NEK8: variants seen among roughly 807,000 people sequenced by gnomAD.
The protein encoded by NEK8 is serine/threonine-protein kinase Nek8.
A neutral mutation model predicts 77.2 loss-of-function variants in NEK8; 51 were observed. That is an observed-to-expected ratio of 0.66 (90% CI 0.53 to 0.83). The LOEUF (loss-of-function observed/expected upper bound fraction) is 0.83, where lower values mean the gene tolerates loss of function less well. NEK8 is among the 40% of genes least tolerant of loss of function. The pLI, the probability that NEK8 is intolerant of heterozygous loss-of-function variation, is 0.00. For synonymous variants in NEK8, 365 were observed against 363.2 expected, an observed-to-expected ratio of 1.00 and a Z score of -0.06; for missense variants, 787 against 909.2, an observed-to-expected ratio of 0.87 and a Z score of 1.73.
At position 28,741,808 on chromosome 17, in the gene NEK8, TC is replaced by T. The variant is rs1287873580; in HGVS notation, c.2051-150del. On this transcript the variant is annotated intron_variant, in intron 14 of 14. Transcript: ENST00000268766. This position sits in a 1 kb window ranked among gnomAD's most constrained non-coding sequence, Gnocchi z 4.5. ...CTCCCCAGGGCTCACATGCATTCTT[TC>T]TCCTACTGCTGAGTCCCGTTGATGC... 4.2e-6 allele frequency: 4 copies of T among 953,252 alleles called. No homozygotes were observed. Among genetic ancestry groups the T allele is most frequent in the Non-Finnish European group, 5.1e-6 (3 of 591,530 alleles). The allele number at this position is 953,252 out of a possible 1,614,324, so 59.0% of individuals were successfully genotyped here. A position where few individuals can be genotyped will look rare whatever the true frequency, so the allele number is the denominator to read the frequency against.
Position 28,741,354 on chromosome 17 carries a change from G to C in NEK8, c.1892-59G>C. On this transcript the variant is annotated intron_variant, in intron 13 of 14. Transcript: ENST00000268766. The surrounding 1 kb of genome is among the most constrained non-coding windows in gnomAD (Gnocchi z 4.5). ...GGGCCATCCTGGCAATGTGGGAGGG[G>C]AGATCCTGCTCGGGCTGTGCCCACT... 6.2e-7 allele frequency: 1 copy of C among 1,603,016 alleles called. No homozygotes were observed. The highest frequency in any genetic ancestry group is 2.2e-5 in the East Asian group (1 of 44,526).
Position 28,740,976 on chromosome 17 carries a change from G to T in NEK8, c.1723G>T (p.Ala575Ser), listed in dbSNP as rs745898957. ...AGACCTGGGCACTGCTCACTCAGCT[G>T]CTGTGACTGGTGAGGAGGACTTGGG... ...SIDLGTAHSAAVTASGDCYTF... is the reference protein window; with the variant it reads ...SIDLGTAHSASVTASGDCYTF... The change falls in exon 12 of 15, where the codon GCT becomes TCT. Residue 575 changes from alanine to serine, a missense_variant. Around this residue, in one of 2 missense-constraint regions of NEK8, gnomAD observed 516 missense variants for 544.0 expected, o/e 0.95. Transcript: ENST00000268766. The surrounding 1 kb of genome is among the most constrained non-coding windows in gnomAD (Gnocchi z 4.7). 12 of 1,614,154 alleles carry T rather than the reference G, an allele frequency of 7.4e-6. No individual in the cohort carries two copies. Among genetic ancestry groups the T allele is most frequent in the Non-Finnish European group, 1.0e-5 (12 of 1,180,044 alleles).
At chr17:28,739,029 G>T in intron 9 of NEK8, 55 bp from the exon 10 acceptor site, 2 of 1,346,580 alleles carry the variant, frequency 1.5e-6, no homozygotes, top group South Asian at 2.3e-5. Context: ...GGGTGTTGAA[G>T]CCAGATGGCT....
chr17:28,739,778 T>C (rs552168329), intron 10 of NEK8, among the ~76,000 whole-genome samples: 8 of 151,980 alleles, frequency 5.3e-5, no homozygotes, highest in African/African-American at 1.9e-4. Flanking sequence ...GAGGTCCTCT[T>C]TGGGTCAGGC....
At position 28,737,704 on chromosome 17, in the gene NEK8, CAG is replaced by C. The variant is rs750223792; in HGVS notation, c.858_859del (p.Gly287GlufsTer121). On this transcript the variant is annotated frameshift_variant, in exon 6 of 15. Coordinates refer to ENST00000268766, the MANE Select transcript of NEK8 (RefSeq NM_178170.3). LOFTEE classifies it high-confidence loss of function. The surrounding 1 kb of genome is among the most constrained non-coding windows in gnomAD (Gnocchi z 4.8). ...GAGAAGTCCGTGGCCCCCAGCAACA[CAG>C]GGAGCAGGACCACCAGTGTCCGCTG... 1 of 1,614,156 alleles carries C rather than the reference CAG, an allele frequency of 6.2e-7. No homozygotes were observed. Among genetic ancestry groups the C allele is most frequent in the Non-Finnish European group, 8.5e-7 (1 of 1,180,014 alleles).
chr17:28,731,864 C>T (rs2034310661), intron 1 of NEK8, among the ~76,000 whole-genome samples: 1 of 149,416 alleles, frequency 6.7e-6, no homozygotes, highest in South Asian at 2.1e-4. Flanking sequence ...CTCAGTCTCC[C>T]AAAGGCCTGG....
Position 28,741,315 on chromosome 17 carries a change from CTG to C in NEK8, c.1891+80_1891+81del. ...GGTTGCTATTCAGGGCCACTGGACTCTGGAGCCTCCCAGGGGCCATCCTGGCA... is the reference window on the plus strand; with the variant it reads ...GGTTGCTATTCAGGGCCACTGGACTCGAGCCTCCCAGGGGCCATCCTGGCA... On this transcript the variant is annotated intron_variant, in intron 13 of 14. Transcript: ENST00000268766. The surrounding 1 kb of genome is among the most constrained non-coding windows in gnomAD (Gnocchi z 4.5). 1.9e-6 allele frequency: 3 copies of C among 1,597,406 alleles called. No homozygotes were observed. The highest frequency in any genetic ancestry group is 2.6e-6 in the Non-Finnish European group (3 of 1,170,536).
intron 1 of NEK8, 99 bp downstream of exon 1, chr17:28,728,959 C>G (rs1248448987): frequency 3.5e-6 from 4 of 1,135,362 alleles, no homozygotes; most frequent in East Asian, 5.1e-5. Flanking sequence ...CGCCCCAAGG[C>G]GTGAGCGCCA....
chr17:28,740,979 G>A lies in NEK8; in HGVS notation c.1726G>A (p.Val576Met). ...CCTGGGCACTGCTCACTCAGCTGCT[G>A]TGACTGGTGAGGAGGACTTGGGCTC... is the stretch of plus-strand genomic sequence containing the variant. ...IDLGTAHSAAVTASGDCYTFG... is the reference protein window; with the variant it reads ...IDLGTAHSAAMTASGDCYTFG... The change falls in exon 12 of 15, where the codon GTG (valine) becomes ATG (methionine). Residue 576 changes from valine (V) to methionine (M), a missense_variant. Val to Met is a conservative substitution (Grantham distance 21). Transcript: ENST00000268766. This position sits in a 1 kb window ranked among gnomAD's most constrained non-coding sequence, Gnocchi z 4.7. 6.2e-7 allele frequency: 1 copy of A among 1,614,154 alleles called. No homozygotes were observed. The highest frequency in any genetic ancestry group is 8.5e-7 in the Non-Finnish European group (1 of 1,180,030).
In NEK8 at chr17:28,741,529, T is replaced by G. The variant is rs1567762491; in HGVS notation, c.2008T>G (p.Ser670Ala). 1.2e-6 allele frequency: 2 copies of G among 1,613,978 alleles called. No homozygotes were observed. The highest frequency in any genetic ancestry group is 1.3e-5 in the African/African-American group (1 of 74,906). ...LDETHPYTVT[S>A]VSCCHGNTLL... is the part of the protein sequence containing the mutation. ...TGAGACACACCCTTACACGGTGACT[T>G]CCGTGTCCTGTTGCCATGGAAACAC... The change falls in exon 14 of 15, where the codon TCC (serine) becomes GCC (alanine). Residue 670 changes from serine (S) to alanine (A), a missense_variant. This residue lies in a region of NEK8 where 516 missense variants were observed against 544.0 expected (regional missense o/e 0.95). Transcript: ENST00000268766. This position sits in a 1 kb window ranked among gnomAD's most constrained non-coding sequence, Gnocchi z 4.5.
At chr17:28,730,994 T>C (rs1025075432) in intron 1 of NEK8, among the ~76,000 whole-genome samples, 1 of 152,074 alleles carries the variant, frequency 6.6e-6, no homozygotes, top group Non-Finnish European at 1.5e-5. Context: ...GGCTCAGGCC[T>C]GTAATTCTAG....
At chr17:28,735,411 A>G (rs749458577) in intron 4 of NEK8, 40 bp downstream of exon 4, 12 of 1,602,000 alleles carry the variant, frequency 7.5e-6, no homozygotes, top group East Asian at 2.2e-5. Context: ...TGAGAAATCT[A>G]CTGCCTCGCC....
chr17:28,739,833 G>A (rs2034402271), intron 10 of NEK8, among the ~76,000 whole-genome samples: 1 of 152,200 alleles, frequency 6.6e-6, no homozygotes, highest in African/African-American at 2.4e-5. Context: ...ATGGGTTCTT[G>A]TCTTCCTGGA....
rs2034380592 is a variant in NEK8 at position 28,737,822 on chromosome 17, T to TC, written c.898dup (p.Arg300ProfsTer109). The TC allele has an allele frequency of 1.2e-6, 2 of 1,614,048 alleles. No individual in the cohort carries two copies. Among genetic ancestry groups the TC allele is most frequent in the Non-Finnish European group, 1.7e-6 (2 of 1,179,984 alleles). ...TCCCCATGCACTGTACCTGCAGGTA[T>TC]CCCCCGGGGACCTGTGAGGCCAGCC... On this transcript the variant is annotated frameshift_variant, in exon 7 of 15. Transcript: ENST00000268766. LOFTEE classifies it high-confidence loss of function. The surrounding 1 kb of genome is among the most constrained non-coding windows in gnomAD (Gnocchi z 4.8).
At chr17:28,731,018 C>T (rs1597803654) in intron 1 of NEK8, among the ~76,000 whole-genome samples, 2 of 152,246 alleles carry the variant, frequency 1.3e-5, no homozygotes, top group East Asian at 1.9e-4. Flanking sequence ...TTTGGGAGGC[C>T]GAGGTGGTTG....
At chr17:28,735,037 T>C in intron 3 of NEK8, 33 bp downstream of exon 3, 1 of 1,567,408 alleles carries the variant, frequency 6.4e-7, no homozygotes, top group Non-Finnish European at 8.7e-7. Context: ...TCCAGGGCAC[T>C]AGAAGTCTTG....
In NEK8 at chr17:28,735,009, C is replaced by G. The variant is rs757790195; in HGVS notation, c.486+5C>G. The G allele has an allele frequency of 6.2e-7, 1 of 1,606,228 alleles. No homozygotes were observed. Among genetic ancestry groups the G allele is most frequent in the South Asian group, 1.1e-5 (1 of 90,958 alleles). On this transcript the variant is annotated splice_donor_5th_base_variant and intron_variant, in intron 3 of 14. Coordinates refer to ENST00000268766, the MANE Select transcript of NEK8 (RefSeq NM_178170.3). ...AGCAAGAGCAAGGCCTACACGGTGC[C>G]TGGGCATGGAAGGGACCTCCAGGGC...
In NEK8 at chr17:28,742,466, CG is replaced by C. The variant is rs1409700321; in HGVS notation, c.*480del. 1 of 219,792 alleles carries C rather than the reference CG, an allele frequency of 4.5e-6. No homozygotes were observed. Among genetic ancestry groups the C allele is most frequent in the Non-Finnish European group, 9.4e-6 (1 of 106,876 alleles). 13.6% of individuals were successfully genotyped at this position (219,792 alleles called of 1,614,324 possible). On this transcript the variant is annotated 3_prime_UTR_variant, in exon 15 of 15. Coordinates refer to ENST00000268766, the MANE Select transcript of NEK8 (RefSeq NM_178170.3). ...AAAATTAGCTGGGCGTGGTGGCACGCGCCTGTAGTCCCAGCTGCTCAGGAGG... is the reference window on the plus strand; with the variant it reads ...AAAATTAGCTGGGCGTGGTGGCACGCCCTGTAGTCCCAGCTGCTCAGGAGG...
At chr17:28,735,988 C>T (rs932080820) in intron 4 of NEK8, among the ~76,000 whole-genome samples, 29 of 139,942 alleles carry the variant, frequency 2.1e-4, no homozygotes, top group Non-Finnish European at 3.3e-4. Context: ...CATGTGTTCT[C>T]ATTGTTCAAT....
Sources: allele counts gnomAD v4.1 joint callset (sites outside exome capture counted in the v4.1 genomes callset), GRCh38; gene constraint gnomAD v4.1.1; regional missense constraint gnomAD v4.1.1; non-coding constraint Gnocchi (gnomAD v3.1); transcripts MANE v1.5; gene names NCBI Gene and HGNC (gene_info 2026-07-23, HGNC 2026-07-21).